The following IL1RAPL1 variants were observed in gnomAD, a reference collection of about 807,000 sequenced individuals.
IL1RAPL1 encodes the protein interleukin-1 receptor accessory protein-like 1.
Under a neutral mutation model 48.4 loss-of-function variants are expected in IL1RAPL1, and 3 were observed. The observed-to-expected ratio is 0.06, with a 90% CI of 0.03 to 0.16. IL1RAPL1 has a LOEUF of 0.16. IL1RAPL1 is among the 10% of genes least tolerant of loss of function. IL1RAPL1 has a pLI of 1.00. For synonymous variants in IL1RAPL1, 185 were observed against 187.7 expected, an observed-to-expected ratio of 0.99 and a Z score of 0.12; for missense variants, 349 against 530.6, an observed-to-expected ratio of 0.66 and a Z score of 3.36.
intron 2 of IL1RAPL1, among the ~76,000 whole-genome samples, chrX:29,252,168 T>C (rs1191834285): frequency 8.9e-6 from 1 of 112,464 alleles, no homozygotes; most frequent in East Asian, 2.7e-4. Flanking sequence ...TAATGCTAGA[T>C]GACGAGTTAG....
intron 3 of IL1RAPL1, among the ~76,000 whole-genome samples, chrX:29,387,022 T>G (rs1056179048): frequency 4.4e-5 from 5 of 112,482 alleles, no homozygotes; most frequent in Non-Finnish European, 3.7e-5. Context: ...AGGAAAGATA[T>G]GCTGCATATA....
At chrX:29,653,888 GA>G (rs1925590664) in intron 5 of IL1RAPL1, among the ~76,000 whole-genome samples, 1 of 102,843 alleles carries the variant, frequency 9.7e-6, no homozygotes, top group African/African-American at 3.5e-5. Flanking sequence ...AGAATGAATG[GA>G]AAATTAGGGC....
chrX:29,000,834 T>C (rs888469699), intron 2 of IL1RAPL1, among the ~76,000 whole-genome samples: 3 of 106,630 alleles, frequency 2.8e-5, no homozygotes, highest in African/African-American at 1.1e-4. Flanking sequence ...TATAACTCTT[T>C]TTTTTTTTTT....
chrX:29,712,609 G>A (rs186571200), intron 6 of IL1RAPL1, among the ~76,000 whole-genome samples: 7 of 112,022 alleles, frequency 6.2e-5, no homozygotes, highest in Admixed American at 9.5e-5. Context: ...GATGGTGACC[G>A]TATGTAAGTT....
intron 2 of IL1RAPL1, among the ~76,000 whole-genome samples, chrX:28,990,854 A>AT (rs1396142237): frequency 9.0e-6 from 1 of 111,470 alleles, no homozygotes; most frequent in Non-Finnish European, 1.9e-5. Flanking sequence ...TTGAATAGGG[A>AT]TTTTTTTCTT....
At chrX:29,782,212 G>A (rs1929362887) in intron 6 of IL1RAPL1, among the ~76,000 whole-genome samples, 1 of 109,616 alleles carries the variant, frequency 9.1e-6, no homozygotes, top group Non-Finnish European at 1.9e-5. Context: ...CATAAATCAT[G>A]GTGTAAGTTA....
intron 2 of IL1RAPL1, among the ~76,000 whole-genome samples, chrX:29,001,630 A>G (rs1240740954): frequency 8.9e-6 from 1 of 112,124 alleles, no homozygotes; most frequent in Non-Finnish European, 1.9e-5. Context: ...TTACTAAACT[A>G]CTTAGGAAAA....
intron 5 of IL1RAPL1, among the ~76,000 whole-genome samples, chrX:29,464,144 T>C (rs2147735658): frequency 8.9e-6 from 1 of 112,742 alleles, no homozygotes; most frequent in South Asian, 3.6e-4. Flanking sequence ...GTAATTTTGA[T>C]ATTAACTGTA....
intron 2 of IL1RAPL1, among the ~76,000 whole-genome samples, chrX:28,811,573 A>C (rs981137910): frequency 1.8e-5 from 2 of 111,142 alleles, no homozygotes; most frequent in Non-Finnish European, 3.8e-5. Context: ...TGACAGAATA[A>C]AGAAGCAAGA....
At chrX:28,760,316 T>C (rs1199497969) in intron 1 of IL1RAPL1, among the ~76,000 whole-genome samples, 1 of 112,065 alleles carries the variant, frequency 8.9e-6, no homozygotes, top group Non-Finnish European at 1.9e-5. Context: ...GCCCTAACTC[T>C]CCTTGATTTT....
At chrX:29,342,261 C>A (rs1933094147) in intron 3 of IL1RAPL1, among the ~76,000 whole-genome samples, 1 of 111,069 alleles carries the variant, frequency 9.0e-6, no homozygotes, top group Non-Finnish European at 1.9e-5. Context: ...ATAAGTCATT[C>A]ATTTGAATAC....
chrX:29,593,716 T>C (rs1480050470), intron 5 of IL1RAPL1, among the ~76,000 whole-genome samples: 1 of 112,480 alleles, frequency 8.9e-6, no homozygotes, highest in Non-Finnish European at 1.9e-5. Context: ...ATAGACTCTT[T>C]AAATACATGT....
rs142009011 is a variant in IL1RAPL1, at chrX:29,518,766, G to A, written c.703+119458G>A. The stretch of plus-strand genomic sequence containing the variant: ...TTCTTTGGCATTTACGCTGAGATGC[G>A]GAACCACTCCAGAATTCGGAGCAGG... On this transcript the variant is annotated intron_variant, in intron 5 of 10. Coordinates refer to ENST00000378993, the MANE Select transcript of IL1RAPL1 (RefSeq NM_014271.4). Among the ~76,000 whole-genome samples, 17 of 111,607 alleles carry A rather than the reference G, an allele frequency of 1.5e-4. No homozygotes were observed. In the East Asian group the frequency reaches 4.6e-3, roughly 30 times the overall value.
intron 1 of IL1RAPL1, among the ~76,000 whole-genome samples, chrX:28,673,443 T>G (rs1934966466): frequency 8.9e-6 from 1 of 111,979 alleles, no homozygotes; most frequent in Non-Finnish European, 1.9e-5. Flanking sequence ...CGGGCAAAGA[T>G]TTCATAATGA....
chrX:29,923,985 G>A (rs1265939546), intron 8 of IL1RAPL1, among the ~76,000 whole-genome samples: 1 of 111,621 alleles, frequency 9.0e-6, no homozygotes, highest in East Asian at 2.8e-4. Context: ...TTAGGAGTAG[G>A]GCTGGCTGTG....
chrX:29,380,423 C>T (rs939052134), intron 3 of IL1RAPL1, among the ~76,000 whole-genome samples: 2 of 111,618 alleles, frequency 1.8e-5, no homozygotes, highest in Non-Finnish European at 3.8e-5. Context: ...GATGGGGTTT[C>T]TCCATGTTGG....
intron 5 of IL1RAPL1, among the ~76,000 whole-genome samples, chrX:29,535,484 G>A (rs1293712312): frequency 9.0e-6 from 1 of 111,544 alleles, no homozygotes; most frequent in Admixed American, 9.5e-5. Context: ...CCATCCTAGG[G>A]CTACTGAAGC....
intron 5 of IL1RAPL1, among the ~76,000 whole-genome samples, chrX:29,555,505 G>A (rs1328529127): frequency 2.7e-5 from 3 of 111,887 alleles, no homozygotes; most frequent in Non-Finnish European, 5.6e-5. Flanking sequence ...CATGCACAGT[G>A]CAATTTTTGC....
At chrX:29,554,414 G>A in intron 5 of IL1RAPL1, among the ~76,000 whole-genome samples, 1 of 111,154 alleles carries the variant, frequency 9.0e-6, no homozygotes, top group Non-Finnish European at 1.9e-5. Flanking sequence ...CATTTCTTTG[G>A]CTCATTTCCA....
Sources: allele counts gnomAD v4.1 joint callset (sites outside exome capture counted in the v4.1 genomes callset), GRCh38; gene constraint gnomAD v4.1.1; transcripts MANE v1.5; gene names NCBI Gene and HGNC (gene_info 2026-07-23, HGNC 2026-07-21).